The following ARMH1 variants were observed in gnomAD, a reference collection of about 807,000 sequenced individuals.
ARMH1 encodes the protein armadillo like helical domain containing 1.
A neutral mutation model predicts 50.2 loss-of-function variants in ARMH1; 34 were observed. That is an observed-to-expected ratio of 0.68 (90% CI 0.51 to 0.90). The LOEUF (loss-of-function observed/expected upper bound fraction) is 0.90. Ranked by LOEUF, ARMH1 falls within the 40% of genes least tolerant of loss-of-function variation. The pLI is 0.00. For missense variants in ARMH1, 538 were observed against 553.9 expected, an observed-to-expected ratio of 0.97 and a Z score of 0.29; for synonymous variants, 221 against 224.2, an observed-to-expected ratio of 0.99 and a Z score of 0.13.
chr1:44,691,189 C>G (rs563863205), intron 2 of ARMH1, among the ~76,000 whole-genome samples: 42 of 152,036 alleles, frequency 2.8e-4, no homozygotes, highest in Non-Finnish European at 4.9e-4. Context: ...ACCCGGGAGG[C>G]GGAGGTTGCA....
Position 44,725,457 on chromosome 1 carries a change from A to C in ARMH1, c.*54A>C. 1 of 1,525,014 alleles carries C rather than the reference A, an allele frequency of 6.6e-7. No individual in the cohort carries two copies. Among genetic ancestry groups the C allele is most frequent in the Non-Finnish European group, 8.9e-7 (1 of 1,123,580 alleles). The allele number at this position is 1,525,014 out of a possible 1,614,324, so 94.5% of individuals were successfully genotyped here. A position where few individuals can be genotyped will look rare whatever the true frequency, so the allele number is the denominator to read the frequency against. On this transcript the variant is annotated 3_prime_UTR_variant, in exon 12 of 12. Coordinates refer to ENST00000535358, the MANE Select transcript of ARMH1 (RefSeq NM_001145636.2). ...AGGCTGCGGGGCAGGGAAGCCTGGC[A>C]AGAGGAAGGCGCCTGGGGTCAAGCT...
chr1:44,703,885 C>T (rs1295209615), intron 5 of ARMH1, among the ~76,000 whole-genome samples: 1 of 151,402 alleles, frequency 6.6e-6, no homozygotes, highest in East Asian at 2.0e-4. Context: ...TGGCACCACG[C>T]CCAGCTAATT....
At position 44,724,122 on chromosome 1, in the gene ARMH1, C is replaced by T. The variant is rs1284096651; in HGVS notation, c.725C>T (p.Ala242Val). Reference protein sequence around the residue: ...GTMHLEVQYEAIELIKDLVGY... With the variant: ...GTMHLEVQYEVIELIKDLVGY... ...CTCCAGCACCTCTGCCCTTCCGCAGCCATCGAGTTGATCAAAGACCTGGTC... is the reference window on the plus strand; with the variant it reads ...CTCCAGCACCTCTGCCCTTCCGCAGTCATCGAGTTGATCAAAGACCTGGTC... Residue 242 changes from alanine (A) to valine (V), a missense_variant and splice_region_variant, in exon 7 of 12, where the codon GCC (alanine) becomes GTC (valine). Physicochemically the swap from Ala to Val is moderately conservative, Grantham distance 64. Transcript: ENST00000535358. This position sits in a 1 kb window ranked among gnomAD's most constrained non-coding sequence, Gnocchi z 6.4. 1.3e-6 allele frequency: 2 copies of T among 1,551,168 alleles called. No homozygotes were observed. The highest frequency in any genetic ancestry group is 2.4e-5 in the South Asian group (2 of 83,974).
intron 1 of ARMH1, among the ~76,000 whole-genome samples, chr1:44,676,032 T>C (rs976786719): frequency 7.2e-5 from 11 of 152,046 alleles, no homozygotes; most frequent in African/African-American, 2.4e-4. Context: ...TAGGAGGTTG[T>C]TTCAGTAGTG....
In ARMH1 at chr1:44,724,746, C is replaced by A. The variant is rs1465953550; in HGVS notation, c.1051-16C>A. 3 of 1,525,914 alleles carry A rather than the reference C, an allele frequency of 2.0e-6. No individual in the cohort carries two copies. The highest frequency in any genetic ancestry group is 2.8e-5 in the African/African-American group (2 of 71,520). 94.5% of individuals were successfully genotyped at this position (1,525,914 alleles called of 1,614,324 possible). On this transcript the variant is annotated splice_polypyrimidine_tract_variant and intron_variant, in intron 9 of 11. Transcript: ENST00000535358. The surrounding 1 kb of genome is among the most constrained non-coding windows in gnomAD (Gnocchi z 6.4). Reference sequence around the variant, plus strand: ...CGTCGCCCCCGCAGTCACGCCGCCTCGCCCGCGCGGCGCAGTGCTTCGTGC... The same window carrying A: ...CGTCGCCCCCGCAGTCACGCCGCCTAGCCCGCGCGGCGCAGTGCTTCGTGC...
At position 44,681,658 on chromosome 1, in the gene ARMH1, G is replaced by A. The variant is rs906177356; in HGVS notation, c.-23+6785G>A. ...GGTAGATGGCTAGAGAAGGAGAGGA[G>A]AAGGATGGATGTGGATAGAGATGAA... On this transcript the variant is annotated intron_variant, in intron 1 of 11. Coordinates refer to ENST00000535358, the MANE Select transcript of ARMH1 (RefSeq NM_001145636.2). The surrounding 1 kb of genome is among the most constrained non-coding windows in gnomAD (Gnocchi z 4.3). 6.6e-6 allele frequency among the ~76,000 whole-genome samples: 1 copy of A among 152,006 alleles called. No individual in the cohort carries two copies. Among genetic ancestry groups the A allele is most frequent in the Non-Finnish European group, 1.5e-5 (1 of 67,992 alleles).
intron 4 of ARMH1, among the ~76,000 whole-genome samples, chr1:44,698,550 C>G (rs969698151): frequency 6.6e-6 from 1 of 152,118 alleles, no homozygotes; most frequent in Non-Finnish European, 1.5e-5. Context: ...GTGGCTCACA[C>G]CTGTAATCCC....
At chr1:44,687,399 C>T (rs1573309524) in intron 1 of ARMH1, among the ~76,000 whole-genome samples, 1 of 152,294 alleles carries the variant, frequency 6.6e-6, no homozygotes, top group South Asian at 2.1e-4. Context: ...AGGACTTCAA[C>T]ATAGGAATTT....
Position 44,724,950 on chromosome 1 carries a change from G to C in ARMH1, c.1128+111G>C. On this transcript the variant is annotated intron_variant, in intron 10 of 11. Transcript: ENST00000535358. The surrounding 1 kb of genome is among the most constrained non-coding windows in gnomAD (Gnocchi z 6.4). ...GCGCGCCACATGCAGAGTGGACCTG[G>C]CCACCAGCTGCAGGAGGGACTGCTC... 1.3e-6 allele frequency: 2 copies of C among 1,497,616 alleles called. No homozygotes were observed. The highest frequency in any genetic ancestry group is 4.9e-5 in the East Asian group (2 of 40,528). The allele number at this position is 1,497,616 out of a possible 1,614,324, so 92.8% of individuals were successfully genotyped here. A position where few individuals can be genotyped will look rare whatever the true frequency, so the allele number is the denominator to read the frequency against.
intron 5 of ARMH1, among the ~76,000 whole-genome samples, chr1:44,702,254 A>C (rs537414063): frequency 6.6e-6 from 1 of 152,308 alleles, no homozygotes; most frequent in East Asian, 1.9e-4. Context: ...GGAGGCAGAT[A>C]CTATTCTCCC....
At chr1:44,680,143 G>A (rs1328428415) in intron 1 of ARMH1, among the ~76,000 whole-genome samples, 1 of 152,196 alleles carries the variant, frequency 6.6e-6, no homozygotes, top group Non-Finnish European at 1.5e-5. Context: ...GAAGTGACTA[G>A]AGATGAAGTT....
intron 1 of ARMH1, among the ~76,000 whole-genome samples, chr1:44,675,313 G>A (rs562823761): frequency 2.0e-5 from 3 of 152,240 alleles, no homozygotes; most frequent in Admixed American, 6.5e-5. Context: ...TTATGGCAGT[G>A]GGGTTGGCTC....
intron 3 of ARMH1, among the ~76,000 whole-genome samples, chr1:44,697,482 A>T (rs1645866783): frequency 6.6e-6 from 1 of 152,052 alleles, no homozygotes; most frequent in Admixed American, 6.6e-5. Context: ...AGAAATACAT[A>T]TTTCAGCCCT....
rs1271241744 is a variant in ARMH1 at position 44,677,624 on chromosome 1, G to A, written c.-23+2751G>A. Among the ~76,000 whole-genome samples, 4 of 152,290 alleles carry A rather than the reference G, an allele frequency of 2.6e-5. No homozygotes were observed. In the East Asian group the frequency reaches 7.7e-4, roughly 29 times the overall value. ...TGATGACAAGGTCCACTGTGTGGCC[G>A]TGGGAGTCAGTGACCAAAGTGGAGT... On this transcript the variant is annotated intron_variant, in intron 1 of 11. Transcript: ENST00000535358.
chr1:44,688,539 G>A (rs544549645), intron 1 of ARMH1, among the ~76,000 whole-genome samples: 10 of 152,284 alleles, frequency 6.6e-5, no homozygotes, highest in East Asian at 3.9e-4. Flanking sequence ...AACAGTCTTC[G>A]TGAAATACAC....
chr1:44,721,186 G>C (rs1036180469), intron 6 of ARMH1, among the ~76,000 whole-genome samples: 1 of 152,086 alleles, frequency 6.6e-6, no homozygotes, highest in Non-Finnish European at 1.5e-5. Flanking sequence ...AAAGTAAGCC[G>C]GCCCTCAGGT....
At chr1:44,711,820 T>C (rs1646627140) in intron 6 of ARMH1, among the ~76,000 whole-genome samples, 1 of 152,222 alleles carries the variant, frequency 6.6e-6, no homozygotes. Flanking sequence ...AATGACTGTG[T>C]GCCCAGCATT....
At chr1:44,725,253 CGCCAGCACA>C (rs1648127488) in intron 11 of ARMH1, 29 bp from the exon 12 acceptor site, 1 of 1,551,518 alleles carries the variant, frequency 6.4e-7, no homozygotes, top group African/African-American at 1.4e-5. Context: ...GCGCAGGCGC[CGCCAGCACA>C]GCCTCACGCC....
At chr1:44,703,008 A>T (rs914160862) in intron 5 of ARMH1, among the ~76,000 whole-genome samples, 1 of 152,128 alleles carries the variant, frequency 6.6e-6, no homozygotes, top group Non-Finnish European at 1.5e-5. Flanking sequence ...ATGTAAAGGG[A>T]AAAAAGAGCA....
Sources: gnomAD v4.1 joint callset for allele counts (sites outside exome capture counted in the v4.1 genomes callset) on GRCh38, gnomAD v4.1.1 for gene constraint, Gnocchi (gnomAD v3.1) non-coding constraint, MANE v1.5 for transcripts, NCBI Gene and HGNC (gene_info 2026-07-23, HGNC 2026-07-21) for gene names.